The following TEX26 variants were observed in gnomAD, a reference collection of about 807,000 sequenced individuals.
TEX26 encodes testis-expressed protein 26.
Under a neutral mutation model 35.3 loss-of-function variants are expected in TEX26, and 34 were observed. That is an observed-to-expected ratio of 0.96 (90% CI 0.73 to 1.28). The LOEUF (loss-of-function observed/expected upper bound fraction) is 1.28. Ranked by LOEUF, TEX26 falls within the 50% of genes most tolerant of loss-of-function variation. The pLI, the probability that TEX26 is intolerant of heterozygous loss-of-function variation, is 0.00. For missense variants in TEX26, 371 were observed against 330.1 expected (o/e 1.12, Z -0.96); for synonymous variants, 136 against 111.8 (o/e 1.22, Z -1.36).
At chr13:30,951,339 G>C (rs1168065644) in intron 2 of TEX26, among the ~76,000 whole-genome samples, 1 of 139,268 alleles carries the variant, frequency 7.2e-6, no homozygotes, top group Non-Finnish European at 1.5e-5. Context: ...CTAGGCAACA[G>C]AGCAAGACTC....
chr13:30,936,970 G>A, intron 1 of TEX26: 1 of 985,370 alleles, frequency 1.0e-6, no homozygotes, highest in Non-Finnish European at 1.2e-6. Flanking sequence ...TTTGTCAATG[G>A]AGGTAAAAAG....
At chr13:30,973,739 A>G (rs1954786549) in intron 6 of TEX26, among the ~76,000 whole-genome samples, 1 of 152,054 alleles carries the variant, frequency 6.6e-6, no homozygotes, top group Admixed American at 6.6e-5. Context: ...TAACATGAAC[A>G]TTGAATATGA....
chr13:30,974,131 A>AAAAAAAATATATATATAT, intron 6 of TEX26, among the ~76,000 whole-genome samples: 2 of 84,428 alleles, frequency 2.4e-5, no homozygotes, highest in African/African-American at 4.8e-5. Context: ...AAAAAAAAAA[A>AAAAAAAATATATATATAT]ATATATATAT....
intron 2 of TEX26, among the ~76,000 whole-genome samples, chr13:30,941,183 G>A (rs1953495257): frequency 6.6e-6 from 1 of 152,192 alleles, no homozygotes; most frequent in Admixed American, 6.5e-5. Flanking sequence ...CACTAGGACA[G>A]TGACTAACAC....
Position 30,974,131 on chromosome 13 carries a change from A to AAAAAAAATATAT in TEX26, c.809-714_809-713insAAAAAATATATA. Among the ~76,000 whole-genome samples the AAAAAAAATATAT allele has an allele frequency of 1.9e-3, 162 of 84,398 alleles. 1 individual carries two copies. The highest frequency in any genetic ancestry group is 7.1e-3 in the African/African-American group (150 of 21,054). The allele number at this position is 84,398 out of a possible 152,430, so 55.4% of individuals were successfully genotyped here. ...GTGAGCCTCCATCTAAAAAAAAAAA[A>AAAAAAAATATAT]ATATATATATATATATATATATATA... On this transcript the variant is annotated intron_variant, in intron 6 of 6. Coordinates refer to ENST00000380473, the MANE Select transcript of TEX26 (RefSeq NM_152325.3).
chr13:30,942,695 G>A (rs1396697780), intron 2 of TEX26, among the ~76,000 whole-genome samples: 1 of 151,694 alleles, frequency 6.6e-6, no homozygotes. Context: ...TTTATAAGGT[G>A]AGAGATGCTA....
At chr13:30,943,889 A>G (rs773665055) in intron 2 of TEX26, among the ~76,000 whole-genome samples, 12 of 151,962 alleles carry the variant, frequency 7.9e-5, no homozygotes, top group Non-Finnish European at 1.6e-4. Flanking sequence ...TTTTGTATCA[A>G]TGTTCATCAG....
At chr13:30,959,551 T>C (rs1324464450) in intron 4 of TEX26, among the ~76,000 whole-genome samples, 1 of 152,194 alleles carries the variant, frequency 6.6e-6, no homozygotes, top group Non-Finnish European at 1.5e-5. Context: ...AGTACGTAAA[T>C]GTTTGCTGCT....
intron 1 of TEX26, chr13:30,933,590 G>C (rs1002036): frequency 6.6e-6 from 1 of 152,134 alleles, no homozygotes; most frequent in Non-Finnish European, 1.5e-5. Flanking sequence ...CTAGAATTGT[G>C]CTCCCAAAAG....
rs1267983885 is a variant in TEX26, at chr13:30,969,057, G to A, written c.808+11G>A. On this transcript the variant is annotated intron_variant, in intron 6 of 6. Transcript: ENST00000380473. Reference sequence around the variant, plus strand: ...GTCTTTCCTACAAAGGTAAGATGAGGTCTTATTTCACACACTTACAGATCA... The same window carrying A: ...GTCTTTCCTACAAAGGTAAGATGAGATCTTATTTCACACACTTACAGATCA... The A allele has an allele frequency of 1.2e-6, 2 of 1,607,632 alleles. No individual in the cohort carries two copies. The highest frequency in any genetic ancestry group is 2.2e-5 in the East Asian group (1 of 44,838).
chr13:30,939,875 A>G, intron 2 of TEX26, 97 bp downstream of exon 2: 3 of 1,136,790 alleles, frequency 2.6e-6, no homozygotes, highest in Non-Finnish European at 3.9e-6. Context: ...TAATTAGAGA[A>G]GCTTCGTAAA....
intron 4 of TEX26, among the ~76,000 whole-genome samples, chr13:30,960,075 A>T (rs1954279061): frequency 6.6e-6 from 1 of 152,196 alleles, no homozygotes; most frequent in African/African-American, 2.4e-5. Context: ...AAAAAAAGAC[A>T]TTTCCAGATT....
intron 1 of TEX26, among the ~76,000 whole-genome samples, chr13:30,934,897 G>A (rs1953213741): frequency 6.6e-6 from 1 of 152,234 alleles, no homozygotes; most frequent in Non-Finnish European, 1.5e-5. Flanking sequence ...GGAACCCACG[G>A]CTGCAGACCT....
At chr13:30,945,675 T>G (rs1348267413) in intron 2 of TEX26, among the ~76,000 whole-genome samples, 2 of 151,934 alleles carry the variant, frequency 1.3e-5, no homozygotes, top group African/African-American at 2.4e-5. Flanking sequence ...GAAAATGACT[T>G]TATTTCCTCT....
chr13:30,942,927 C>T (rs1185119703), intron 2 of TEX26, among the ~76,000 whole-genome samples: 4 of 151,742 alleles, frequency 2.6e-5, no homozygotes, highest in Admixed American at 6.6e-5. Context: ...TAATGTGATG[C>T]CTTCAGATTT....
intron 2 of TEX26, among the ~76,000 whole-genome samples, chr13:30,942,590 G>A (rs1479666760): frequency 6.6e-6 from 1 of 151,852 alleles, no homozygotes; most frequent in Non-Finnish European, 1.5e-5. Flanking sequence ...TATTTGCCTA[G>A]GCCAATGTCC....
At chr13:30,965,731 G>A (rs1037652560) in intron 4 of TEX26, among the ~76,000 whole-genome samples, 1 of 149,140 alleles carries the variant, frequency 6.7e-6, no homozygotes, top group Non-Finnish European at 1.5e-5. Context: ...AGCTTCGAGT[G>A]TTTTTTTTTT....
At chr13:30,966,432 C>CATT in intron 5 of TEX26, 34 bp downstream of exon 5, 1 of 994,330 alleles carries the variant, frequency 1.0e-6, no homozygotes, top group Non-Finnish European at 1.3e-6. Context: ...TTCTTTTTCT[C>CATT]TTTTTTTTTT....
At chr13:30,945,876 T>C (rs887329531) in intron 2 of TEX26, among the ~76,000 whole-genome samples, 1 of 151,866 alleles carries the variant, frequency 6.6e-6, no homozygotes, top group African/African-American at 2.4e-5. Flanking sequence ...TTGTCTCATT[T>C]GTCTCAAAAT....
Sources: allele counts gnomAD v4.1 joint callset (sites outside exome capture counted in the v4.1 genomes callset), GRCh38; gene constraint gnomAD v4.1.1; transcripts MANE v1.5; gene names NCBI Gene and HGNC (gene_info 2026-07-23, HGNC 2026-07-21).